VSTM4: variants seen among roughly 807,000 people sequenced by gnomAD.
The protein encoded by VSTM4 is V-set and transmembrane domain-containing protein 4.
A neutral mutation model predicts 36.4 loss-of-function variants in VSTM4; 20 were observed. That is an observed-to-expected ratio of 0.55 (90% CI 0.39 to 0.80). The LOEUF is 0.80. Among genes scored for constraint, VSTM4 ranks in the 30% least tolerant of loss-of-function variants. The probability of loss-of-function intolerance (pLI) is 0.00; values close to 1 mark genes in which losing one functional copy is unlikely to be tolerated. For missense variants in VSTM4, 392 were observed against 404.5 expected (o/e 0.97, Z 0.26); for synonymous variants, 182 against 173.9 (o/e 1.05, Z -0.37).
At chr10:49,032,707 A>G (rs1458879423) in intron 7 of VSTM4, among the ~76,000 whole-genome samples, 1 of 152,190 alleles carries the variant, frequency 6.6e-6, no homozygotes, top group Non-Finnish European at 1.5e-5. Flanking sequence ...CCTCTTTCCA[A>G]TGAAACTCTT....
At chr10:49,109,375 G>A (rs773985914) in intron 1 of VSTM4, among the ~76,000 whole-genome samples, 2 of 152,166 alleles carry the variant, frequency 1.3e-5, no homozygotes, top group Non-Finnish European at 2.9e-5. Flanking sequence ...GGGGAGGGAT[G>A]GTAGATACAA....
chr10:49,101,417 G>A (rs1027777622), intron 2 of VSTM4, among the ~76,000 whole-genome samples: 2 of 152,098 alleles, frequency 1.3e-5, no homozygotes, highest in Non-Finnish European at 2.9e-5. Flanking sequence ...CATTTATTAA[G>A]GTTATGGCCA....
intron 2 of VSTM4, among the ~76,000 whole-genome samples, chr10:49,087,852 A>T (rs1012183515): frequency 6.6e-6 from 1 of 150,636 alleles, no homozygotes; most frequent in Non-Finnish European, 1.5e-5. Flanking sequence ...AGTCCTTCAG[A>T]TAACAATTAA....
chr10:49,036,206 T>C (rs1230347858), intron 7 of VSTM4, among the ~76,000 whole-genome samples: 1 of 152,150 alleles, frequency 6.6e-6, no homozygotes, highest in Non-Finnish European at 1.5e-5. Context: ...CGCACGCCCA[T>C]CCCTTCTGAA....
At chr10:49,049,280 G>A (rs2137912) in intron 5 of VSTM4, among the ~76,000 whole-genome samples, 91,919 of 152,044 alleles carry the variant, frequency 0.6, 29,389 homozygotes, top group Middle Eastern at 0.74. Flanking sequence ...CCAAAGGGAC[G>A]GGAAGATAAG....
At chr10:49,039,972 G>C (rs1410492877) in intron 7 of VSTM4, among the ~76,000 whole-genome samples, 2 of 152,194 alleles carry the variant, frequency 1.3e-5, no homozygotes, top group East Asian at 1.9e-4. Context: ...GGAAGTGTGT[G>C]AATCAGCTCC....
chr10:49,071,730 T>G (rs1189583382), intron 4 of VSTM4, among the ~76,000 whole-genome samples: 1 of 152,218 alleles, frequency 6.6e-6, no homozygotes, highest in Non-Finnish European at 1.5e-5. Flanking sequence ...CAGATGTTGC[T>G]GCAGGTGCTG....
At chr10:49,085,786 T>C (rs1201325346) in intron 3 of VSTM4, among the ~76,000 whole-genome samples, 169 bp downstream of exon 3, 1 of 152,148 alleles carries the variant, frequency 6.6e-6, no homozygotes, top group African/African-American at 2.4e-5. Flanking sequence ...ATATACCTAA[T>C]GTAAATGACG....
intron 2 of VSTM4, among the ~76,000 whole-genome samples, chr10:49,105,841 GTATA>G (rs34327380): frequency 4.7e-5 from 7 of 149,358 alleles, no homozygotes; most frequent in Admixed American, 6.7e-5. Context: ...ATGTGTGTGT[GTATA>G]TATATATATA....
At chr10:49,036,003 G>A (rs1564568571) in intron 7 of VSTM4, among the ~76,000 whole-genome samples, 2 of 152,306 alleles carry the variant, frequency 1.3e-5, no homozygotes, top group South Asian at 4.1e-4. Context: ...CAGTAGAGGG[G>A]CCTTGGCACT....
intron 2 of VSTM4, among the ~76,000 whole-genome samples, chr10:49,088,652 C>T (rs1438790182): frequency 1.3e-5 from 2 of 152,214 alleles, no homozygotes; most frequent in African/African-American, 4.8e-5. Context: ...GCACTCTGGG[C>T]CCCACAAGGC....
At chr10:49,107,493 T>G in intron 2 of VSTM4, 101 bp downstream of exon 2, 2 of 1,445,838 alleles carry the variant, frequency 1.4e-6, no homozygotes, top group Non-Finnish European at 1.9e-6. Flanking sequence ...TATGTTCTAG[T>G]GCAACACAGC....
chr10:49,115,186 C>T (rs1844971034), intron 1 of VSTM4, among the ~76,000 whole-genome samples: 3 of 151,974 alleles, frequency 2.0e-5, no homozygotes, highest in Non-Finnish European at 4.4e-5. Context: ...GAGTACCCAG[C>T]CCCAGGCGAG....
chr10:49,088,755 C>T (rs1844419427), intron 2 of VSTM4, among the ~76,000 whole-genome samples: 1 of 152,244 alleles, frequency 6.6e-6, no homozygotes. Flanking sequence ...GCTGGATTTC[C>T]ATGGCTTCAG....
chr10:49,047,003 G>A lies in VSTM4; in HGVS notation c.817C>T (p.Pro273Ser), dbSNP rs1843620662. 6.2e-7 allele frequency: 1 copy of A among 1,614,146 alleles called. No homozygotes were observed. The highest frequency in any genetic ancestry group is 8.5e-7 in the Non-Finnish European group (1 of 1,180,016). The change falls in exon 7 of 8, where the codon CCA (proline) becomes TCA (serine). Residue 273 changes from proline to serine, a missense_variant. Coordinates refer to ENST00000332853, the MANE Select transcript of VSTM4 (RefSeq NM_001031746.5). ...CTTACCAGCGTGACTTTTCTCTGTGGTTTCAGCAGCTTCGGTTTATGGAAC... is the reference window on the plus strand; with the variant it reads ...CTTACCAGCGTGACTTTTCTCTGTGATTTCAGCAGCTTCGGTTTATGGAAC... ...PTFHKPKLLK[P>S]QRKVTLPKIA...
chr10:49,051,390 CTTT>C lies in VSTM4; in HGVS notation c.669-2809_669-2807del, dbSNP rs796786621. Among the ~76,000 whole-genome samples the C allele has an allele frequency of 3.0e-3, 398 of 130,802 alleles. 3 individuals are homozygous for C. Among genetic ancestry groups the C allele is most frequent in the African/African-American group, 0.011 (370 of 34,642 alleles). The allele number at this position is 130,802 out of a possible 152,430, so 85.8% of individuals were successfully genotyped here. On this transcript the variant is annotated intron_variant, in intron 5 of 7. Transcript: ENST00000332853. ...CTTCTCATGGCTTGACAGCTCATTT[CTTT>C]TTTTTTTTTTTTTTTCTTTTTTGAG...
At chr10:49,073,409 C>T (rs573164121) in intron 4 of VSTM4, among the ~76,000 whole-genome samples, 1 of 152,332 alleles carries the variant, frequency 6.6e-6, no homozygotes, top group East Asian at 1.9e-4. Flanking sequence ...TGCCACTGCT[C>T]TGCATATCCC....
intron 1 of VSTM4, among the ~76,000 whole-genome samples, chr10:49,111,202 G>A (rs1408537326): frequency 1.3e-5 from 2 of 152,240 alleles, no homozygotes; most frequent in African/African-American, 2.4e-5. Context: ...TGCAGTTAGG[G>A]CACCCAGGGG....
chr10:49,026,158 A>T (rs897905176), intron 7 of VSTM4, among the ~76,000 whole-genome samples: 1 of 152,202 alleles, frequency 6.6e-6, no homozygotes, highest in African/African-American at 2.4e-5. Context: ...GAGAGGCAAC[A>T]TGAATGAAAA....
Sources: allele counts gnomAD v4.1 joint callset (sites outside exome capture counted in the v4.1 genomes callset), GRCh38; gene constraint gnomAD v4.1.1; transcripts MANE v1.5; gene names NCBI Gene and HGNC (gene_info 2026-07-23, HGNC 2026-07-21).